CTNND2: variants seen among roughly 807,000 people sequenced by gnomAD.
CTNND2 encodes the protein catenin delta 2.
In CTNND2, 22 loss-of-function variants were observed where a neutral mutation model predicts 144.4. The observed-to-expected ratio is 0.15, with a 90% CI of 0.11 to 0.22. The LOEUF (loss-of-function observed/expected upper bound fraction) is 0.22. Ranked by LOEUF, CTNND2 falls within the 10% of genes least tolerant of loss-of-function variation. CTNND2 has a pLI of 1.00. For missense variants in CTNND2, 1,353 were observed against 1,618.8 expected (o/e 0.84, Z 2.82); for synonymous variants, 751 against 695.6 (o/e 1.08, Z -1.25).
chr5:10,975,219 C>T (rs764479973), intron 21 of CTNND2, among the ~76,000 whole-genome samples: 2 of 152,140 alleles, frequency 1.3e-5, no homozygotes, highest in African/African-American at 2.4e-5. Flanking sequence ...CTGCTGAACT[C>T]CACTCCAACA....
chr5:11,461,269 T>C (rs1766196969), intron 3 of CTNND2, among the ~76,000 whole-genome samples: 3 of 152,026 alleles, frequency 2.0e-5, no homozygotes, highest in South Asian at 2.1e-4. Context: ...TAAGGCACTG[T>C]CCCATCTCAT....
At chr5:10,981,312 G>T (rs1190958273) in intron 21 of CTNND2, among the ~76,000 whole-genome samples, 2 of 152,162 alleles carry the variant, frequency 1.3e-5, no homozygotes, top group African/African-American at 2.4e-5. Context: ...TTATTTATGT[G>T]TTCTTTTACA....
intron 1 of CTNND2, among the ~76,000 whole-genome samples, chr5:11,772,842 ATCT>A (rs1790028732): frequency 6.6e-6 from 1 of 152,226 alleles, no homozygotes; most frequent in African/African-American, 2.4e-5. Flanking sequence ...CTATGAATAC[ATCT>A]TCTACCTCTT....
chr5:11,897,833 A>G (rs1737517411), intron 1 of CTNND2, among the ~76,000 whole-genome samples: 1 of 152,234 alleles, frequency 6.6e-6, no homozygotes, highest in Non-Finnish European at 1.5e-5. Flanking sequence ...ATCAACTAGA[A>G]TTCTTCATAA....
intron 2 of CTNND2, among the ~76,000 whole-genome samples, chr5:11,637,356 T>C (rs1224904356): frequency 1.3e-5 from 2 of 152,172 alleles, no homozygotes; most frequent in South Asian, 2.1e-4. Context: ...TAAGTACATA[T>C]GCCACAATGC....
At chr5:11,749,923 T>C (rs574674398) in intron 1 of CTNND2, among the ~76,000 whole-genome samples, 4 of 152,188 alleles carry the variant, frequency 2.6e-5, no homozygotes, top group Admixed American at 1.3e-4. Flanking sequence ...GTGCATATCA[T>C]AATCTATAAT....
chr5:11,447,889 G>C (rs1764968404), intron 3 of CTNND2, among the ~76,000 whole-genome samples: 1 of 152,190 alleles, frequency 6.6e-6, no homozygotes, highest in African/African-American at 2.4e-5. Flanking sequence ...TTGACTGCTT[G>C]ATGTACTAGT....
At chr5:11,853,647 C>G (rs1795118475) in intron 1 of CTNND2, among the ~76,000 whole-genome samples, 1 of 152,178 alleles carries the variant, frequency 6.6e-6, no homozygotes, top group South Asian at 2.1e-4. Context: ...GTTGATCCAC[C>G]TCTCAGACCT....
intron 1 of CTNND2, among the ~76,000 whole-genome samples, chr5:11,902,081 C>T (rs780222472): frequency 1.3e-5 from 2 of 152,164 alleles, no homozygotes; most frequent in Non-Finnish European, 2.9e-5. Context: ...CCTTGCCAGT[C>T]CTCCTGCAAC....
At chr5:11,589,800 C>T (rs1057098686) in intron 2 of CTNND2, among the ~76,000 whole-genome samples, 14 of 152,104 alleles carry the variant, frequency 9.2e-5, no homozygotes, top group African/African-American at 3.1e-4. Context: ...TATAATTAGA[C>T]GACCTGGGAC....
intron 18 of CTNND2, among the ~76,000 whole-genome samples, chr5:11,008,122 T>C (rs915265241): frequency 3.3e-5 from 5 of 152,144 alleles, no homozygotes; most frequent in Admixed American, 1.3e-4. Flanking sequence ...GCAGGCGTTA[T>C]ATCAGACTTT....
intron 9 of CTNND2, among the ~76,000 whole-genome samples, chr5:11,288,672 G>A (rs1747998147): frequency 6.6e-6 from 1 of 152,120 alleles, no homozygotes; most frequent in South Asian, 2.1e-4. Context: ...CAGCAGTCTA[G>A]AAAGAAGGAA....
chr5:11,222,921 C>A (rs1174380641), intron 10 of CTNND2, among the ~76,000 whole-genome samples: 2 of 152,188 alleles, frequency 1.3e-5, no homozygotes, highest in African/African-American at 4.8e-5. Flanking sequence ...CCCTGGTGTG[C>A]CCTTCCCACC....
In CTNND2 at chr5:11,017,764, G is replaced by A. The variant is rs1741781089; in HGVS notation, c.3084+210C>T. 2.0e-5 allele frequency among the ~76,000 whole-genome samples: 3 copies of A among 152,174 alleles called. No homozygotes were observed. The South Asian group carries it at 6.2e-4, about 32-fold the overall frequency. ...GTAAGATGACTTAGGGTAAGACCCT[G>A]TGAGCACAGGTCTGTCCAGTCCAGA... On this transcript the variant is annotated intron_variant, in intron 18 of 21. Coordinates refer to ENST00000304623, the MANE Select transcript of CTNND2 (RefSeq NM_001332.4).
intron 11 of CTNND2, among the ~76,000 whole-genome samples, chr5:11,176,737 T>C (rs1481114116): frequency 6.6e-6 from 1 of 152,130 alleles, no homozygotes; most frequent in Non-Finnish European, 1.5e-5. Context: ...TCATGACTGA[T>C]TCATAATTTC....
At chr5:11,555,316 C>T (rs1776131724) in intron 3 of CTNND2, among the ~76,000 whole-genome samples, 1 of 152,070 alleles carries the variant, frequency 6.6e-6, no homozygotes, top group South Asian at 2.1e-4. Context: ...AGCTTTAATC[C>T]AGTTTGTGTA....
chr5:11,239,775 C>T (rs999845456), intron 9 of CTNND2, among the ~76,000 whole-genome samples: 2 of 152,210 alleles, frequency 1.3e-5, no homozygotes, highest in Non-Finnish European at 2.9e-5. Context: ...AAATGCGGGG[C>T]CTCAGGCTCT....
intron 3 of CTNND2, among the ~76,000 whole-genome samples, chr5:11,511,842 G>A (rs1306413316): frequency 1.3e-5 from 2 of 152,066 alleles, no homozygotes; most frequent in African/African-American, 4.8e-5. Flanking sequence ...CAAACACGCA[G>A]CTCACTATTT....
At chr5:11,849,712 A>G (rs1794924680) in intron 1 of CTNND2, among the ~76,000 whole-genome samples, 1 of 152,180 alleles carries the variant, frequency 6.6e-6, no homozygotes. Context: ...AGGGTTGGAG[A>G]ACTTGATGAA....
Sources: gnomAD v4.1 joint callset for allele counts (sites outside exome capture counted in the v4.1 genomes callset) on GRCh38, gnomAD v4.1.1 for gene constraint, MANE v1.5 for transcripts, NCBI Gene and HGNC (gene_info 2026-07-23, HGNC 2026-07-21) for gene names.